Variants in CSMD2 observed in about 807,000 individuals in gnomAD.
CSMD2 encodes CUB and Sushi multiple domains 2, also known as CUB and sushi domain-containing protein 2.
A neutral mutation model predicts 398.5 loss-of-function variants in CSMD2; 130 were observed. The observed-to-expected ratio is 0.33, with a 90% CI of 0.28 to 0.38. The LOEUF is 0.38. CSMD2 is among the 10% of genes least tolerant of loss of function. The pLI is 1.00. For missense variants in CSMD2, 3,829 were observed against 4,764.9 expected (o/e 0.80, Z 5.78); for synonymous variants, 1,828 against 1,908.5 (o/e 0.96, Z 1.10).
At chr1:34,031,739 T>C (rs1183764324) in intron 3 of CSMD2, among the ~76,000 whole-genome samples, 1 of 144,688 alleles carries the variant, frequency 6.9e-6, no homozygotes, top group Non-Finnish European at 1.5e-5. Flanking sequence ...TCGCTTACTC[T>C]TTAAGTTCTT....
rs978264521 is a variant in CSMD2, at chr1:33,700,392, T to C, written c.3733+125A>G. The C allele has an allele frequency of 6.5e-6, 6 of 920,040 alleles. No homozygotes were observed. In the Admixed American group the frequency reaches 1.2e-4, roughly 18 times the overall value. 57.0% of individuals were successfully genotyped at this position (920,040 alleles called of 1,614,324 possible). On this transcript the variant is annotated intron_variant, in intron 23 of 70. Transcript: ENST00000373381. Reference sequence around the variant, plus strand: ...ACCCATGCATCCACTGATGGATACATATTGGATTTTAAAACAGTCTTAAGA... The same window carrying C: ...ACCCATGCATCCACTGATGGATACACATTGGATTTTAAAACAGTCTTAAGA...
intron 1 of CSMD2, among the ~76,000 whole-genome samples, chr1:34,139,582 C>T (rs1362042297): frequency 6.6e-6 from 1 of 152,158 alleles, no homozygotes; most frequent in Non-Finnish European, 1.5e-5. Context: ...TTATAAGCTA[C>T]AGAAAGCAGA....
At chr1:34,075,824 G>GT (rs1229654216) in intron 2 of CSMD2, among the ~76,000 whole-genome samples, 1 of 152,210 alleles carries the variant, frequency 6.6e-6, no homozygotes, top group Non-Finnish European at 1.5e-5. Flanking sequence ...CGTGGGGATT[G>GT]TTTCAGTAAT....
intron 25 of CSMD2, among the ~76,000 whole-genome samples, chr1:33,684,469 C>T (rs779146231): frequency 2.0e-5 from 3 of 152,172 alleles, no homozygotes; most frequent in Admixed American, 6.5e-5. Flanking sequence ...CTTCCTTCCC[C>T]CTCCACGAAG....
chr1:33,829,958 G>T (rs751562069), intron 6 of CSMD2, among the ~76,000 whole-genome samples: 1 of 152,302 alleles, frequency 6.6e-6, no homozygotes, highest in South Asian at 2.1e-4. Context: ...GCGGGGGGAG[G>T]GGCGCCCGCC....
At chr1:34,045,523 A>G (rs1023945944) in intron 2 of CSMD2, among the ~76,000 whole-genome samples, 3 of 152,186 alleles carry the variant, frequency 2.0e-5, no homozygotes, top group African/African-American at 7.2e-5. Flanking sequence ...GAAAACATCT[A>G]CTGGCTCTGC....
rs1443643856 is a variant in CSMD2 at position 33,792,521 on chromosome 1, G to T, written c.1452C>A (p.Ile484=). Residue 484 remains isoleucine, a synonymous_variant, in exon 11 of 71, where the codon ATC becomes ATA. Coordinates refer to ENST00000373381, the MANE Select transcript of CSMD2 (RefSeq NM_001281956.2). ...AATCAAACTCCTCAAAGGCGAGCTT[G>T]ATCACCTAGGGAGGGAACACAGGGT... ...IITALNPSKV[I]KLAFEEFDLE... 2 of 1,612,026 alleles carry T rather than the reference G, an allele frequency of 1.2e-6. No homozygotes were observed. The highest frequency in any genetic ancestry group is 2.7e-5 in the African/African-American group (2 of 74,866).
chr1:33,876,858 C>CTTAGACCA (rs1220143869), intron 5 of CSMD2, among the ~76,000 whole-genome samples: 1 of 152,186 alleles, frequency 6.6e-6, no homozygotes, highest in Non-Finnish European at 1.5e-5. Flanking sequence ...AAGCTGCTTG[C>CTTAGACCA]TTGGCTCTGG....
chr1:33,867,977 C>A (rs1473535563), intron 5 of CSMD2, among the ~76,000 whole-genome samples: 1 of 152,150 alleles, frequency 6.6e-6, no homozygotes, highest in East Asian at 1.9e-4. Context: ...AGTTCCCCTG[C>A]TGAAAACTAA....
At chr1:33,825,846 G>T (rs1658746024) in intron 6 of CSMD2, 72 bp from the exon 7 acceptor site, 3 of 1,257,310 alleles carry the variant, frequency 2.4e-6, no homozygotes, top group Middle Eastern at 1.9e-4. Context: ...CCTCTAGAAG[G>T]ATTCCCCCTT....
At chr1:33,665,179 C>T (rs1437300778) in intron 25 of CSMD2, among the ~76,000 whole-genome samples, 2 of 151,984 alleles carry the variant, frequency 1.3e-5, no homozygotes, top group East Asian at 1.9e-4. Flanking sequence ...CTTTTATTTA[C>T]CTTATATTTT....
In CSMD2 at chr1:33,911,993, TATTAAAATGGTATGCATCCTTCTCGA is replaced by T. The variant is rs1643472319; in HGVS notation, c.920+6075_920+6100del. Among the ~76,000 whole-genome samples the T allele has an allele frequency of 3.9e-5, 6 of 152,324 alleles. No individual in the cohort carries two copies. The South Asian group carries it at 1.2e-3, about 32-fold the overall frequency. ...GCGCTTCCCACCACCTCATCTCCTA[TATTAAAATGGTATGCATCCTTCTCGA>T]CCTGTCTCAAGTGCAGCCTCTGCCT... On this transcript the variant is annotated intron_variant, in intron 5 of 70. Transcript: ENST00000373381.
chr1:33,599,977 C>T (rs1243148896), intron 44 of CSMD2: 25 of 600,906 alleles, frequency 4.2e-5, no homozygotes, highest in Non-Finnish European at 6.3e-5. Context: ...GTTCTGTTTC[C>T]AGTTCTATCC....
At chr1:33,580,434 GC>G (rs1638612602) in intron 48 of CSMD2, among the ~76,000 whole-genome samples, 4 of 152,162 alleles carry the variant, frequency 2.6e-5, no homozygotes, top group Admixed American at 1.3e-4. Flanking sequence ...AGAGATCTAT[GC>G]CTTAGGGCTT....
chr1:33,955,124 C>G (rs1039686404), intron 3 of CSMD2, among the ~76,000 whole-genome samples: 1 of 152,218 alleles, frequency 6.6e-6, no homozygotes, highest in African/African-American at 2.4e-5. Flanking sequence ...GCCACACTGC[C>G]CGGATCCCCA....
intron 28 of CSMD2, among the ~76,000 whole-genome samples, chr1:33,649,998 G>C (rs993546298): frequency 6.6e-6 from 1 of 152,122 alleles, no homozygotes; most frequent in Non-Finnish European, 1.5e-5. Context: ...ACCATGGCTG[G>C]GTGACACGGT....
At chr1:33,716,541 TG>T in intron 19 of CSMD2, 40 bp from the exon 20 acceptor site, 1 of 1,479,432 alleles carries the variant, frequency 6.8e-7, no homozygotes, top group South Asian at 1.2e-5. Flanking sequence ...GATGGCGAGA[TG>T]GCTGGAGAAC....
intron 29 of CSMD2, 137 bp downstream of exon 29, chr1:33,646,511 G>T: frequency 1.2e-6 from 1 of 869,538 alleles, no homozygotes; most frequent in Non-Finnish European, 1.8e-6. Flanking sequence ...GCAGGTTTCT[G>T]CAGGCGGCAG....
At chr1:33,549,126 G>A (rs999440678) in intron 56 of CSMD2, among the ~76,000 whole-genome samples, 1 of 152,156 alleles carries the variant, frequency 6.6e-6, no homozygotes, top group Non-Finnish European at 1.5e-5. Context: ...AAATATTCTG[G>A]CAGTGACCTA....
Sources: gnomAD v4.1 joint callset for allele counts (sites outside exome capture counted in the v4.1 genomes callset) on GRCh38, gnomAD v4.1.1 for gene constraint, MANE v1.5 for transcripts, NCBI Gene and HGNC (gene_info 2026-07-23, HGNC 2026-07-21) for gene names.